Variants in IQSEC2 observed in about 807,000 individuals in gnomAD.
The protein encoded by IQSEC2 is IQ motif and SEC7 domain-containing protein 2.
In IQSEC2, 6 loss-of-function variants were observed where a neutral mutation model predicts 74.6. That is an observed-to-expected ratio of 0.08 (90% CI 0.04 to 0.16). IQSEC2 has a LOEUF of 0.16. IQSEC2 is among the 10% of genes least tolerant of loss of function. The pLI is 1.00. For synonymous variants in IQSEC2, 494 were observed against 544.5 expected (o/e 0.91, Z 1.29); for missense variants, 734 against 1,306.2 (o/e 0.56, Z 6.75).
At chrX:53,281,680 C>T in intron 2 of IQSEC2, 1 of 571,896 alleles carries the variant, frequency 1.7e-6, no homozygotes, top group Non-Finnish European at 2.6e-6. Flanking sequence ...AACTTTGCTC[C>T]TTCCCCTACT....
At chrX:53,265,606 G>C (rs2074643834) in intron 2 of IQSEC2, among the ~76,000 whole-genome samples, 1 of 111,514 alleles carries the variant, frequency 9.0e-6, no homozygotes, top group Admixed American at 9.5e-5. Context: ...GACAGGAAAA[G>C]TCGGGGGTAT....
At chrX:53,292,019 C>T in intron 1 of IQSEC2, 95 bp from the exon 2 acceptor site, 1 of 706,308 alleles carries the variant, frequency 1.4e-6, no homozygotes, top group South Asian at 2.8e-5. Flanking sequence ...GCCTTGAGGC[C>T]TAATGCACAT....
downstream of IQSEC2, chrX:53,226,612 G>A (rs1246446224): frequency 8.9e-6 from 1 of 112,481 alleles, no homozygotes; most frequent in Non-Finnish European, 1.9e-5. Context: ...GATAGGGAGT[G>A]TCATACCTTC....
chrX:53,243,262 A>T, intron 9 of IQSEC2, 70 bp downstream of exon 9: 1 of 957,849 alleles, frequency 1.0e-6, no homozygotes, highest in East Asian at 3.4e-5. Context: ...AGGGAGGTGC[A>T]GTGACTTACC....
intron 1 of IQSEC2, among the ~76,000 whole-genome samples, chrX:53,303,425 G>A (rs1244152277): frequency 9.0e-6 from 1 of 111,212 alleles, no homozygotes; most frequent in Non-Finnish European, 1.9e-5. Context: ...ACCTACTTGT[G>A]ACAGCGAGGA....
intron 1 of IQSEC2, among the ~76,000 whole-genome samples, chrX:53,305,032 C>T (rs1324521803): frequency 9.2e-6 from 1 of 109,258 alleles, no homozygotes; most frequent in African/African-American, 3.3e-5. Flanking sequence ...GATTCTCGTG[C>T]CCCAGCCTCC....
chrX:53,318,212 C>T (rs1556879534), intron 1 of IQSEC2, among the ~76,000 whole-genome samples: 1 of 112,270 alleles, frequency 8.9e-6, no homozygotes, highest in East Asian at 2.8e-4. Context: ...TGCCAACACT[C>T]ACTGCAGAAG....
In IQSEC2 at chrX:53,248,148, C is replaced by T; in HGVS notation, c.2548G>A (p.Ala850Thr). ...FQSHIRVQGE[A>T]QKVERLIEAF... is the part of the protein sequence containing the mutation. ...TCGATGAGTCGCTCCACTTTCTGGGCCTCACCCTGAACCCGGATATGGGAC... is the reference window on the plus strand; with the variant it reads ...TCGATGAGTCGCTCCACTTTCTGGGTCTCACCCTGAACCCGGATATGGGAC... Residue 850 changes from alanine (A) to threonine (T), a missense_variant, in exon 7 of 15, where the codon GCC (alanine) becomes ACC (threonine). By Grantham distance (58) the Ala-to-Thr change is moderately conservative. This residue lies in a region of IQSEC2 where 18 missense variants were observed against 46.7 expected (regional missense o/e 0.39). Coordinates refer to ENST00000642864, the MANE Select transcript of IQSEC2 (RefSeq NM_001111125.3). 8.3e-7 allele frequency: 1 copy of T among 1,210,835 alleles called. No individual in the cohort carries two copies. The highest frequency in any genetic ancestry group is 1.1e-6 in the Non-Finnish European group (1 of 895,028).
chrX:53,315,744 C>T (rs1397922254), intron 1 of IQSEC2, among the ~76,000 whole-genome samples: 12 of 112,296 alleles, frequency 1.1e-4, no homozygotes, highest in South Asian at 3.7e-4. Context: ...AGTCACATAG[C>T]GTGGGGCCTG....
intron 1 of IQSEC2, among the ~76,000 whole-genome samples, chrX:53,309,586 G>C (rs1442653311): frequency 1.8e-5 from 2 of 111,590 alleles, no homozygotes; most frequent in Non-Finnish European, 3.8e-5. Flanking sequence ...TAACCCCTTG[G>C]TTCCTCACAG....
intron 1 of IQSEC2, among the ~76,000 whole-genome samples, chrX:53,315,245 G>T (rs1490685987): frequency 9.0e-6 from 1 of 111,718 alleles, no homozygotes; most frequent in Non-Finnish European, 1.9e-5. Flanking sequence ...ACAAAAATTA[G>T]TCGGGGGTGG....
Position 53,320,715 on chromosome X carries a change from C to A in IQSEC2, c.409G>T (p.Ala137Ser). The A allele has an allele frequency of 8.6e-7, 1 of 1,167,151 alleles. No individual in the cohort carries two copies. The highest frequency in any genetic ancestry group is 1.1e-6 in the Non-Finnish European group (1 of 872,771). ...EAVYRDKERD[A>S]SYPLQDTTGY... The stretch of plus-strand genomic sequence containing the variant: ...GTAGTGTCCTGGAGCGGGTAGGAGG[C>A]GTCCCGCTCCTTGTCCCGATACACA... Residue 137 changes from alanine to serine, a missense_variant, in exon 1 of 15, where the codon GCC becomes TCC. By Grantham distance (99) the Ala-to-Ser change is moderately conservative. Coordinates refer to ENST00000642864, the MANE Select transcript of IQSEC2 (RefSeq NM_001111125.3).
At chrX:53,266,127 G>A (rs1214100712) in intron 2 of IQSEC2, among the ~76,000 whole-genome samples, 2 of 111,800 alleles carry the variant, frequency 1.8e-5, no homozygotes, top group Middle Eastern at 4.6e-3. Flanking sequence ...GAGGTCATGC[G>A]ACACATCCAA....
chrX:53,272,137 C>G (rs1316782670), intron 2 of IQSEC2, among the ~76,000 whole-genome samples: 4 of 110,528 alleles, frequency 3.6e-5, no homozygotes, highest in Non-Finnish European at 7.6e-5. Context: ...AGACCCAGCT[C>G]TTAGGCTGAG....
At chrX:53,245,606 C>G (rs2074293198) in intron 8 of IQSEC2, among the ~76,000 whole-genome samples, 1 of 111,186 alleles carries the variant, frequency 9.0e-6, no homozygotes, top group African/African-American at 3.3e-5. Context: ...GCCAATTTGT[C>G]TTGTGTTCAG....
chrX:53,271,105 G>A (rs1556868585), intron 2 of IQSEC2, among the ~76,000 whole-genome samples: 1 of 111,314 alleles, frequency 9.0e-6, no homozygotes, highest in African/African-American at 3.3e-5. Flanking sequence ...AGGTAAGCCT[G>A]ACCTCTGCAC....
chrX:53,281,455 C>T, intron 2 of IQSEC2: 7 of 814,366 alleles, frequency 8.6e-6, no homozygotes, highest in Non-Finnish European at 1.2e-5. Context: ...CAGGCCTGGG[C>T]AGGAAGGGAG....
chrX:53,279,796 G>C, intron 2 of IQSEC2: 2 of 480,898 alleles, frequency 4.2e-6, no homozygotes, highest in Non-Finnish European at 7.4e-6. Context: ...ATGGAGGATG[G>C]GAAATGGAAG....
At chrX:53,309,922 T>A (rs1398979518) in intron 1 of IQSEC2, among the ~76,000 whole-genome samples, 2 of 111,496 alleles carry the variant, frequency 1.8e-5, no homozygotes, top group Non-Finnish European at 3.8e-5. Context: ...ATATACCAGT[T>A]TTCAGGGGAA....
Sources: allele counts gnomAD v4.1 joint callset (sites outside exome capture counted in the v4.1 genomes callset), GRCh38; gene constraint gnomAD v4.1.1; regional missense constraint gnomAD v4.1.1; transcripts MANE v1.5; gene names NCBI Gene and HGNC (gene_info 2026-07-23, HGNC 2026-07-21).